PRICKLE1: variants seen among roughly 807,000 people sequenced by gnomAD.
The protein encoded by PRICKLE1 is prickle-like protein 1.
Under a neutral mutation model 70.2 loss-of-function variants are expected in PRICKLE1, and 14 were observed. The observed-to-expected ratio is 0.20, with a 90% CI of 0.13 to 0.31. PRICKLE1 has a LOEUF of 0.31. Among genes scored for constraint, PRICKLE1 ranks in the 10% least tolerant of loss-of-function variants. PRICKLE1 has a pLI of 1.00. For synonymous variants in PRICKLE1, 357 were observed against 379.9 expected (o/e 0.94, Z 0.70); for missense variants, 821 against 1,026.2 (o/e 0.80, Z 2.73).
chr12:42,462,655 T>C (rs1461445180), intron 7 of PRICKLE1, among the ~76,000 whole-genome samples: 2 of 152,188 alleles, frequency 1.3e-5, no homozygotes, highest in African/African-American at 2.4e-5. Context: ...GGGGGGTAGC[T>C]TTGCCGTACC....
intron 1 of PRICKLE1, among the ~76,000 whole-genome samples, chr12:42,509,275 T>C (rs1229966835): frequency 1.3e-5 from 2 of 152,230 alleles, no homozygotes; most frequent in Admixed American, 1.3e-4. Context: ...GAAAATTCTA[T>C]TTTGGGAAAC....
At position 42,464,438 on chromosome 12, in the gene PRICKLE1, A is replaced by G. The variant is rs1937997691; in HGVS notation, c.1596T>C (p.Ser532=). Residue 532 remains serine (S), a synonymous_variant, in exon 7 of 8, where the codon AGT becomes AGC. Transcript: ENST00000345127. This position sits in a 1 kb window ranked among gnomAD's most constrained non-coding sequence, Gnocchi z 4.2. ...CCAAAGAATCCATCGAATCCCGAACACTTTGCTCTGGTTTCAGGTCTGACA... is the reference window on the plus strand; with the variant it reads ...CCAAAGAATCCATCGAATCCCGAACGCTTTGCTCTGGTTTCAGGTCTGACA... ...ECLSDLKPEQ[S]VRDSMDSLAL... is the part of the protein sequence containing the mutation. 2 of 1,613,974 alleles carry G rather than the reference A, an allele frequency of 1.2e-6. No homozygotes were observed. The highest frequency in any genetic ancestry group is 1.7e-6 in the Non-Finnish European group (2 of 1,180,002).
chr12:42,480,414 C>T (rs765748337), intron 1 of PRICKLE1, among the ~76,000 whole-genome samples: 4 of 152,016 alleles, frequency 2.6e-5, no homozygotes, highest in Non-Finnish European at 5.9e-5. Context: ...CAGCAAGACC[C>T]TGTCCCAAAA....
chr12:42,552,101 C>T (rs953051909), intron 1 of PRICKLE1, among the ~76,000 whole-genome samples: 13 of 143,202 alleles, frequency 9.1e-5, no homozygotes, highest in Non-Finnish European at 1.9e-4. Context: ...GGCTCTCACT[C>T]TGTTGTCTAG....
chr12:42,474,771 C>T (rs1938459119), intron 1 of PRICKLE1, among the ~76,000 whole-genome samples: 1 of 152,038 alleles, frequency 6.6e-6, no homozygotes, highest in Non-Finnish European at 1.5e-5. Flanking sequence ...GAAATTTAAC[C>T]CAAATCATGA....
chr12:42,477,878 T>C (rs1034007667), intron 1 of PRICKLE1, among the ~76,000 whole-genome samples: 1 of 151,540 alleles, frequency 6.6e-6, no homozygotes, highest in Non-Finnish European at 1.5e-5. Context: ...TATGACAGAG[T>C]AAAACTTTTT....
At position 42,469,475 on chromosome 12, in the gene PRICKLE1, G is replaced by C; in HGVS notation, c.359C>G (p.Ala120Gly). ...CTGCTCACACACAGCATGCATGACT[G>C]CTCTGGACAGAAGCTTAATTGTTCC... ...GRGTIKLLSR[A>G]VMHAVCEQCG... The change falls in exon 4 of 8, where the codon GCA becomes GGA. Residue 120 changes from alanine to glycine, a missense_variant. Transcript: ENST00000345127. 6.2e-7 allele frequency: 1 copy of C among 1,614,174 alleles called. No individual in the cohort carries two copies. The highest frequency in any genetic ancestry group is 8.5e-7 in the Non-Finnish European group (1 of 1,180,050).
chr12:42,460,297 A>G lies in PRICKLE1; in HGVS notation c.2008T>C (p.Ser670Pro). Residue 670 changes from serine (S) to proline (P), a missense_variant, in exon 8 of 8, where the codon TCT (serine) becomes CCT (proline). Coordinates refer to ENST00000345127, the MANE Select transcript of PRICKLE1 (RefSeq NM_153026.3). ...CTTCTCCGGCGGCGGTGGTGATGAG[A>G]CCTGGATCCCCTCTCTTCAAAATTG... is the stretch of plus-strand genomic sequence containing the variant. ...VYNFEERGSR[S>P]HHHRRRRSRK... The G allele has an allele frequency of 6.2e-7, 1 of 1,613,998 alleles. No homozygotes were observed.
At chr12:42,585,496 A>G (rs1287700683) in intron 1 of PRICKLE1, among the ~76,000 whole-genome samples, 1 of 152,162 alleles carries the variant, frequency 6.6e-6, no homozygotes, top group Non-Finnish European at 1.5e-5. Context: ...ACAACTGGAA[A>G]TAGTCAATGC....
chr12:42,493,881 GA>G (rs1939149157), intron 1 of PRICKLE1, among the ~76,000 whole-genome samples: 1 of 149,506 alleles, frequency 6.7e-6, no homozygotes, highest in Admixed American at 6.7e-5. Context: ...GAAAAGAAAA[GA>G]AAAAAAGAGA....
intron 1 of PRICKLE1, among the ~76,000 whole-genome samples, chr12:42,588,959 G>C (rs1162364655): frequency 6.6e-6 from 1 of 152,220 alleles, no homozygotes; most frequent in South Asian, 2.1e-4. Flanking sequence ...ACACCATCGC[G>C]GGGCAGGGGG....
chr12:42,527,928 T>C (rs1199816329), intron 1 of PRICKLE1, among the ~76,000 whole-genome samples: 2 of 9,022 alleles, frequency 2.2e-4, no homozygotes, highest in Admixed American at 1.1e-3. Context: ...TATATATATA[T>C]ATATATATAT....
rs75334875 is a variant in PRICKLE1, at chr12:42,555,757, G to A, written c.-49+33708C>T. 1.3e-3 allele frequency among the ~76,000 whole-genome samples: 195 copies of A among 152,196 alleles called. 1 individual carries two copies. The highest frequency in any genetic ancestry group is 1.7e-3 in the Non-Finnish European group (113 of 67,988). On this transcript the variant is annotated intron_variant, in intron 1 of 7. Coordinates refer to ENST00000345127, the MANE Select transcript of PRICKLE1 (RefSeq NM_153026.3). ...ATAAAGGTAACAGTAAAAAATAGCTGTTAAAAAAGCATCCCCCTAGAATCC... is the reference window on the plus strand; with the variant it reads ...ATAAAGGTAACAGTAAAAAATAGCTATTAAAAAAGCATCCCCCTAGAATCC...
chr12:42,582,289 A>G (rs1175613269), intron 1 of PRICKLE1, among the ~76,000 whole-genome samples: 1 of 152,240 alleles, frequency 6.6e-6, no homozygotes, highest in Non-Finnish European at 1.5e-5. Flanking sequence ...CAAGTTATTT[A>G]TCACTTCAGC....
At chr12:42,535,483 G>T (rs1357878035) in intron 1 of PRICKLE1, among the ~76,000 whole-genome samples, 1 of 152,210 alleles carries the variant, frequency 6.6e-6, no homozygotes, top group African/African-American at 2.4e-5. Flanking sequence ...AAAGGCCAGT[G>T]TTAGCCAAAA....
intron 1 of PRICKLE1, among the ~76,000 whole-genome samples, chr12:42,546,627 G>A (rs1016330073): frequency 6.6e-6 from 1 of 152,070 alleles, no homozygotes; most frequent in Admixed American, 6.6e-5. Flanking sequence ...GGTGGCATGT[G>A]CCTGTAATCC....
At chr12:42,569,928 A>G (rs1441096041) in intron 1 of PRICKLE1, among the ~76,000 whole-genome samples, 49 of 152,250 alleles carry the variant, frequency 3.2e-4, no homozygotes, top group Non-Finnish European at 1.6e-4. Context: ...GACACCTGCT[A>G]TTGACTAGAT....
rs1555240607 is a variant in PRICKLE1, at chr12:42,564,269, A to AAG, written c.-49+25195_-49+25196insCT. Among the ~76,000 whole-genome samples, 4 of 124,994 alleles carry AAG rather than the reference A, an allele frequency of 3.2e-5. 1 individual carries two copies. The highest frequency in any genetic ancestry group is 4.3e-3 in the Middle Eastern group (1 of 232). The allele number at this position is 124,994 out of a possible 152,430, so 82.0% of individuals were successfully genotyped here. On this transcript the variant is annotated intron_variant, in intron 1 of 7. Coordinates refer to ENST00000345127, the MANE Select transcript of PRICKLE1 (RefSeq NM_153026.3). ...GACTCTGTCTAAAAAAAAAAAAAAAAAAAGAAAAGAAAAAAGAAAAAGGTC... is the reference window on the plus strand; with the variant it reads ...GACTCTGTCTAAAAAAAAAAAAAAAAAGAAAGAAAAGAAAAAAGAAAAAGGTC...
At chr12:42,511,117 C>T (rs1363912323) in intron 1 of PRICKLE1, among the ~76,000 whole-genome samples, 1 of 152,232 alleles carries the variant, frequency 6.6e-6, no homozygotes, top group African/African-American at 2.4e-5. Flanking sequence ...CACAATAAAA[C>T]CAGCCAGAAG....
Sources: gnomAD v4.1 joint callset for allele counts (sites outside exome capture counted in the v4.1 genomes callset) on GRCh38, gnomAD v4.1.1 for gene constraint, Gnocchi (gnomAD v3.1) non-coding constraint, MANE v1.5 for transcripts, NCBI Gene and HGNC (gene_info 2026-07-23, HGNC 2026-07-21) for gene names.